EEFSEC: variants seen among roughly 807,000 people sequenced by gnomAD.
EEFSEC encodes the protein eukaryotic elongation factor, selenocysteine-tRNA specific.
Under a neutral mutation model 42.1 loss-of-function variants are expected in EEFSEC, and 43 were observed. That is an observed-to-expected ratio of 1.02 (90% CI 0.80 to 1.32). The LOEUF (loss-of-function observed/expected upper bound fraction) is 1.32. EEFSEC is among the 40% of genes most tolerant of loss of function. The pLI, the probability that EEFSEC is intolerant of heterozygous loss-of-function variation, is 0.00. For missense variants in EEFSEC, 745 were observed against 803.6 expected (o/e 0.93, Z 0.88); for synonymous variants, 354 against 339.1 (o/e 1.04, Z -0.48).
intron 1 of EEFSEC, among the ~76,000 whole-genome samples, chr3:128,242,335 T>A (rs2955083): frequency 0.89 from 135,295 of 152,158 alleles, 60,231 homozygotes; most frequent in East Asian, 0.99. Flanking sequence ...AAAAAATAAA[T>A]AAATAAATAA....
chr3:128,226,780 G>T (rs1417912321), intron 1 of EEFSEC, among the ~76,000 whole-genome samples: 3 of 152,192 alleles, frequency 2.0e-5, no homozygotes, highest in African/African-American at 7.2e-5. Flanking sequence ...CCCAGCCTAG[G>T]GACAGCCATA....
intron 1 of EEFSEC, among the ~76,000 whole-genome samples, chr3:128,228,732 A>G (rs952572665): frequency 6.6e-6 from 1 of 152,104 alleles, no homozygotes; most frequent in East Asian, 1.9e-4. Flanking sequence ...CAAGCAGGCA[A>G]TGCAAACTCT....
In EEFSEC at chr3:128,292,138, G is replaced by A. The variant is rs146692282; in HGVS notation, c.786+27357G>A. 2.0e-5 allele frequency among the ~76,000 whole-genome samples: 3 copies of A among 152,196 alleles called. No individual in the cohort carries two copies. The East Asian group carries it at 5.8e-4, about 29-fold the overall frequency. On this transcript the variant is annotated intron_variant, in intron 4 of 6. Transcript: ENST00000254730. ...AAGTTACATATATTGATTTTTGAAT[G>A]TCAGACCCACTTTACATTCCTAGGG...
intron 4 of EEFSEC, among the ~76,000 whole-genome samples, chr3:128,315,741 T>G (rs892675906): frequency 1.3e-5 from 2 of 152,242 alleles, no homozygotes; most frequent in African/African-American, 4.8e-5. Context: ...GCCAGTGGTG[T>G]CACCTTGGCA....
chr3:128,358,101 C>T (rs979965479), intron 5 of EEFSEC, 116 bp from the exon 6 acceptor site: 11 of 1,358,584 alleles, frequency 8.1e-6, no homozygotes, highest in Admixed American at 2.1e-5. Flanking sequence ...GTTCCTAGAG[C>T]GGGCAGCAGC....
chr3:128,153,677 C>A lies in EEFSEC; in HGVS notation c.170C>A (p.Ser57Ter). The A allele has an allele frequency of 6.3e-7, 1 of 1,595,334 alleles. No homozygotes were observed. ...CTCGATCTGGGCTTCTCGTGCTTCT[C>A]GGTGCCGCTGCCCGCGCGCCTGCGG... is the stretch of plus-strand genomic sequence containing the variant. ...ITLDLGFSCF[S>*]VPLPARLRSS... Residue 57 changes from serine to a stop codon, truncating the protein, a stop_gained, in exon 1 of 7, where the codon TCG becomes TAG. Transcript: ENST00000254730. LOFTEE classifies it high-confidence loss of function.
At chr3:128,199,392 T>C (rs1405982958) in intron 1 of EEFSEC, among the ~76,000 whole-genome samples, 6 of 152,224 alleles carry the variant, frequency 3.9e-5, no homozygotes, top group Non-Finnish European at 8.8e-5. Context: ...TTAAAATTTG[T>C]TTTTAAAGTT....
chr3:128,198,005 A>G (rs1022687423), intron 1 of EEFSEC, among the ~76,000 whole-genome samples: 2 of 151,932 alleles, frequency 1.3e-5, no homozygotes, highest in African/African-American at 4.8e-5. Flanking sequence ...CCTTTACCCC[A>G]TCCCCCTTCC....
chr3:128,307,937 G>T (rs1443367700), intron 4 of EEFSEC, among the ~76,000 whole-genome samples: 1 of 152,230 alleles, frequency 6.6e-6, no homozygotes, highest in East Asian at 1.9e-4. Flanking sequence ...GCAGGCGAGA[G>T]CACATGCTTG....
At chr3:128,280,195 G>T (rs1294604195) in intron 4 of EEFSEC, among the ~76,000 whole-genome samples, 1 of 152,230 alleles carries the variant, frequency 6.6e-6, no homozygotes, top group East Asian at 1.9e-4. Context: ...AATCTGGAAG[G>T]AGACAGCAAA....
chr3:128,392,906 A>C (rs1340998127), intron 6 of EEFSEC, among the ~76,000 whole-genome samples: 1 of 152,004 alleles, frequency 6.6e-6, no homozygotes, highest in Non-Finnish European at 1.5e-5. Context: ...CCCTCCCCAG[A>C]CCTCCTTCAG....
intron 1 of EEFSEC, among the ~76,000 whole-genome samples, chr3:128,224,588 C>T (rs2065890662): frequency 6.6e-6 from 1 of 152,194 alleles, no homozygotes; most frequent in South Asian, 2.1e-4. Flanking sequence ...TAAGATTTCA[C>T]CGTGCTTGTT....
At chr3:128,251,116 C>G (rs935297762) in intron 2 of EEFSEC, among the ~76,000 whole-genome samples, 1 of 151,894 alleles carries the variant, frequency 6.6e-6, no homozygotes, top group African/African-American at 2.4e-5. Flanking sequence ...GAGTCCTCCC[C>G]CCATCTTTTC....
At chr3:128,327,299 C>G (rs1036872407) in intron 4 of EEFSEC, among the ~76,000 whole-genome samples, 5 of 150,426 alleles carry the variant, frequency 3.3e-5, no homozygotes, top group Admixed American at 6.6e-5. Flanking sequence ...CATCCCCCCC[C>G]CCCCAAGGTT....
intron 6 of EEFSEC, among the ~76,000 whole-genome samples, chr3:128,374,375 A>G (rs1268726803): frequency 1.3e-5 from 2 of 152,116 alleles, no homozygotes; most frequent in Non-Finnish European, 2.9e-5. Flanking sequence ...AGGTACCTAC[A>G]ATTTTTCCCA....
chr3:128,330,764 A>C (rs1191571717), intron 4 of EEFSEC, among the ~76,000 whole-genome samples: 3 of 146,444 alleles, frequency 2.0e-5, no homozygotes, highest in Non-Finnish European at 3.0e-5. Context: ...TCCTCAGTGC[A>C]TCTCCCCTCT....
chr3:128,336,572 G>T (rs1477969805), intron 4 of EEFSEC, among the ~76,000 whole-genome samples: 1 of 152,108 alleles, frequency 6.6e-6, no homozygotes, highest in East Asian at 1.9e-4. Context: ...TTCCACTGGG[G>T]GCCTGGTTCT....
chr3:128,153,490 C>CGAGGCG lies in EEFSEC; in HGVS notation c.-16_-11dup. On this transcript the variant is annotated 5_prime_UTR_variant, in exon 1 of 7. Coordinates refer to ENST00000254730, the MANE Select transcript of EEFSEC (RefSeq NM_021937.5). ...GTGAGGGGCGGGCCGGGCGGGTGTCCGAGGCGGCGGCGGCGGCATGGCAGG... is the reference window on the plus strand; with the variant it reads ...GTGAGGGGCGGGCCGGGCGGGTGTCCGAGGCGGAGGCGGCGGCGGCGGCATGGCAGG... 2.0e-6 allele frequency: 3 copies of CGAGGCG among 1,477,934 alleles called. No homozygotes were observed. Among genetic ancestry groups the CGAGGCG allele is most frequent in the Non-Finnish European group, 2.7e-6 (3 of 1,123,016 alleles). The allele number at this position is 1,477,934 out of a possible 1,614,324, so 91.6% of individuals were successfully genotyped here.
intron 4 of EEFSEC, among the ~76,000 whole-genome samples, chr3:128,336,190 A>G (rs952030041): frequency 2.6e-5 from 4 of 152,126 alleles, no homozygotes; most frequent in African/African-American, 4.8e-5. Context: ...TCCTCAAACT[A>G]GAAACCTGGG....
Sources: allele counts gnomAD v4.1 joint callset (sites outside exome capture counted in the v4.1 genomes callset), GRCh38; gene constraint gnomAD v4.1.1; transcripts MANE v1.5; gene names NCBI Gene and HGNC (gene_info 2026-07-23, HGNC 2026-07-21).